Variants in GPC6 observed in about 807,000 individuals in gnomAD.
GPC6 encodes the protein glypican 6, also known as glypican-6.
In GPC6, 14 loss-of-function variants were observed where a neutral mutation model predicts 55.2. The observed-to-expected ratio is 0.25, with a 90% CI of 0.17 to 0.40. The LOEUF (loss-of-function observed/expected upper bound fraction) is 0.40, where lower values mean the gene tolerates loss of function less well. Among genes scored for constraint, GPC6 ranks in the 10% least tolerant of loss-of-function variants. The pLI is 1.00. For synonymous variants in GPC6, 278 were observed against 259.6 expected (o/e 1.07, Z -0.68); for missense variants, 641 against 708.5 (o/e 0.90, Z 1.08).
At chr13:93,899,191 T>C (rs533447686) in intron 3 of GPC6, among the ~76,000 whole-genome samples, 2 of 151,918 alleles carry the variant, frequency 1.3e-5, no homozygotes, top group African/African-American at 2.4e-5. Context: ...ATCTTGACCA[T>C]TAAATATTCA....
chr13:93,994,173 A>G (rs1430470398), intron 3 of GPC6, among the ~76,000 whole-genome samples: 1 of 152,178 alleles, frequency 6.6e-6, no homozygotes, highest in Non-Finnish European at 1.5e-5. Flanking sequence ...CAAGAATCAC[A>G]CTTCTGTTTT....
intron 4 of GPC6, among the ~76,000 whole-genome samples, chr13:94,271,521 GC>G (rs1892024948): frequency 6.6e-6 from 1 of 151,922 alleles, no homozygotes; most frequent in South Asian, 2.1e-4. Flanking sequence ...ACCTTCCCTA[GC>G]CCTTTACAAC....
At chr13:93,339,873 C>G (rs1424746096) in intron 1 of GPC6, among the ~76,000 whole-genome samples, 1 of 152,006 alleles carries the variant, frequency 6.6e-6, no homozygotes, top group African/African-American at 2.4e-5. Context: ...GAGTATTAAT[C>G]TAAATGGATA....
intron 4 of GPC6, among the ~76,000 whole-genome samples, chr13:94,054,068 T>C (rs1355766576): frequency 6.6e-6 from 1 of 152,176 alleles, no homozygotes; most frequent in African/African-American, 2.4e-5. Flanking sequence ...AAGTCACCTT[T>C]CTTAGTTTCT....
At chr13:93,554,686 T>G (rs975627330) in intron 2 of GPC6, among the ~76,000 whole-genome samples, 1 of 152,204 alleles carries the variant, frequency 6.6e-6, no homozygotes, top group Non-Finnish European at 1.5e-5. Context: ...GTTTGGCATT[T>G]TAGCAAATGT....
intron 1 of GPC6, among the ~76,000 whole-genome samples, chr13:93,247,786 T>C (rs1249125287): frequency 6.6e-6 from 1 of 152,176 alleles, no homozygotes; most frequent in Non-Finnish European, 1.5e-5. Context: ...CTTTAAAATA[T>C]AACTTGGAAA....
intron 2 of GPC6, among the ~76,000 whole-genome samples, chr13:93,588,244 A>T (rs548881021): frequency 2.0e-5 from 3 of 152,336 alleles, no homozygotes; most frequent in Non-Finnish European, 2.9e-5. Context: ...GCGTATGTTT[A>T]AAAAAATTAC....
intron 4 of GPC6, among the ~76,000 whole-genome samples, chr13:94,039,747 A>C (rs77606722): frequency 4.7e-4 from 71 of 151,970 alleles, no homozygotes; most frequent in African/African-American, 1.7e-3. Context: ...CAACTCTGAC[A>C]GATTGTACCT....
chr13:94,068,991 G>T (rs1454365119), intron 4 of GPC6, among the ~76,000 whole-genome samples: 1 of 152,192 alleles, frequency 6.6e-6, no homozygotes, highest in Admixed American at 6.5e-5. Flanking sequence ...GCTCCACTAG[G>T]CAGTGTCCCA....
In GPC6 at chr13:94,032,374, C is replaced by G. The variant is rs532578778; in HGVS notation, c.877+4480C>G. ...TAGTCAGCGGGGAGTCAGAGAAGCCCTACTTTGTTAAGTGTAGAATAAAAT... is the reference window on the plus strand; with the variant it reads ...TAGTCAGCGGGGAGTCAGAGAAGCCGTACTTTGTTAAGTGTAGAATAAAAT... On this transcript the variant is annotated intron_variant, in intron 4 of 8. Transcript: ENST00000377047. Among the ~76,000 whole-genome samples the G allele has an allele frequency of 6.6e-5, 10 of 152,206 alleles. No individual in the cohort carries two copies. The South Asian group carries it at 1.5e-3, about 22-fold the overall frequency.
chr13:94,182,703 C>T (rs1036736808), intron 4 of GPC6, among the ~76,000 whole-genome samples: 4 of 152,168 alleles, frequency 2.6e-5, no homozygotes, highest in South Asian at 2.1e-4. Context: ...AGGTTGTCCA[C>T]ACACAATTTT....
chr13:93,579,760 G>A (rs1298359296), intron 2 of GPC6, among the ~76,000 whole-genome samples: 1 of 152,056 alleles, frequency 6.6e-6, no homozygotes, highest in Non-Finnish European at 1.5e-5. Context: ...CTCATAAGAC[G>A]AGATATGTCA....
intron 3 of GPC6, among the ~76,000 whole-genome samples, chr13:93,889,545 G>A (rs1875542698): frequency 6.6e-6 from 1 of 152,026 alleles, no homozygotes; most frequent in Admixed American, 6.6e-5. Context: ...TTTAATATGG[G>A]TTTTCCCCCA....
intron 1 of GPC6, among the ~76,000 whole-genome samples, chr13:93,487,451 T>C (rs1358952129): frequency 6.6e-6 from 1 of 152,208 alleles, no homozygotes; most frequent in East Asian, 1.9e-4. Flanking sequence ...TAAACGTGTG[T>C]TATTAATAAT....
At chr13:94,039,358 T>C (rs548424582) in intron 4 of GPC6, among the ~76,000 whole-genome samples, 1 of 151,948 alleles carries the variant, frequency 6.6e-6, no homozygotes, top group Non-Finnish European at 1.5e-5. Flanking sequence ...TAAGACTAGA[T>C]AGGTCATCTA....
At position 94,220,873 on chromosome 13, in the gene GPC6, G is replaced by C. The variant is rs144618282; in HGVS notation, c.878-65476G>C. ...CCTTCTACCTAATTATGTCCACATT[G>C]ACCCTAATTACATTCAGGTCACATT... is the stretch of plus-strand genomic sequence containing the variant. On this transcript the variant is annotated intron_variant, in intron 4 of 8. Transcript: ENST00000377047. Among the ~76,000 whole-genome samples the C allele has an allele frequency of 1.1e-3, 167 of 152,114 alleles. 2 individuals carry two copies. The East Asian group carries it at 0.03, about 27-fold the overall frequency.
chr13:93,471,271 T>C (rs1228399249), intron 1 of GPC6, among the ~76,000 whole-genome samples: 1 of 151,648 alleles, frequency 6.6e-6, no homozygotes, highest in African/African-American at 2.4e-5. Context: ...TCCCAGCACT[T>C]TGGGAGGCCA....
chr13:93,606,575 G>T (rs1396116651), intron 2 of GPC6, among the ~76,000 whole-genome samples: 1 of 152,148 alleles, frequency 6.6e-6, no homozygotes, highest in Non-Finnish European at 1.5e-5. Flanking sequence ...CCATAGGACA[G>T]TGCACAAAGT....
intron 1 of GPC6, among the ~76,000 whole-genome samples, chr13:93,377,613 G>A (rs12184580): frequency 0.016 from 2,406 of 152,266 alleles, 29 homozygotes; most frequent in Non-Finnish European, 0.025. Flanking sequence ...AGCAGTTCTA[G>A]GAGGGGGAAA....
Sources: gnomAD v4.1 joint callset for allele counts (sites outside exome capture counted in the v4.1 genomes callset) on GRCh38, gnomAD v4.1.1 for gene constraint, MANE v1.5 for transcripts, NCBI Gene and HGNC (gene_info 2026-07-23, HGNC 2026-07-21) for gene names.